Variants in PDE1C observed in about 807,000 individuals in gnomAD.
The protein encoded by PDE1C is phosphodiesterase 1C, also known as dual specificity calcium/calmodulin-dependent 3',5'-cyclic nucleotide phosphodiesterase 1C.
PDE1C carries 62 observed loss-of-function variants against 93.1 expected under a neutral mutation model. The ratio of observed to expected loss-of-function variants is 0.67; its 90% CI spans 0.54 to 0.82. PDE1C has a LOEUF of 0.82. Ranked by LOEUF, PDE1C falls within the 40% of genes least tolerant of loss-of-function variation. PDE1C has a pLI of 0.00. For synonymous variants in PDE1C, 325 were observed against 310.1 expected (o/e 1.05, Z -0.50); for missense variants, 742 against 884.6 (o/e 0.84, Z 2.04).
chr7:32,046,275 T>C (rs1270900795), intron 2 of PDE1C, among the ~76,000 whole-genome samples: 1 of 151,366 alleles, frequency 6.6e-6, no homozygotes, highest in East Asian at 1.9e-4. Flanking sequence ...ACTGAAAACA[T>C]GAAGAAAACA....
At chr7:31,734,076 C>A in the PDE1C span, among the ~76,000 whole-genome samples, 1 of 152,026 alleles carries the variant, frequency 6.6e-6, no homozygotes, top group South Asian at 2.1e-4. Flanking sequence ...ACTACCCCTC[C>A]CCCACCACCA....
At chr7:31,864,511 TC>T (rs1795047631) in intron 7 of PDE1C, among the ~76,000 whole-genome samples, 2 of 152,196 alleles carry the variant, frequency 1.3e-5, no homozygotes, top group African/African-American at 4.8e-5. Flanking sequence ...ATAACTATAG[TC>T]CCTGTGAAAA....
chr7:32,348,844 T>A (rs1783903445), intron 1 of PDE1C, among the ~76,000 whole-genome samples: 1 of 152,178 alleles, frequency 6.6e-6, no homozygotes, highest in Non-Finnish European at 1.5e-5. Flanking sequence ...TGGGCCCTGT[T>A]CTGTACAGGT....
At chr7:32,199,138 A>G (rs1804827748) in intron 2 of PDE1C, among the ~76,000 whole-genome samples, 1 of 152,112 alleles carries the variant, frequency 6.6e-6, no homozygotes, top group Non-Finnish European at 1.5e-5. Context: ...AAATTTAAAA[A>G]AAAAAACAAA....
intron 3 of PDE1C, among the ~76,000 whole-genome samples, chr7:32,076,642 CAAAAAAAA>C (rs869181797): frequency 2.5e-5 from 1 of 40,486 alleles, no homozygotes; most frequent in Non-Finnish European, 5.0e-5. Context: ...GACTCCATCT[CAAAAAAAA>C]AAAAAAAGAA....
chr7:32,289,955 G>A (rs1019074532), intron 1 of PDE1C, among the ~76,000 whole-genome samples: 1 of 152,204 alleles, frequency 6.6e-6, no homozygotes, highest in Non-Finnish European at 1.5e-5. Flanking sequence ...CAGTACCTGT[G>A]ACCTAATACT....
At chr7:32,375,603 G>T (rs959860402) in intron 1 of PDE1C, among the ~76,000 whole-genome samples, 5 of 152,164 alleles carry the variant, frequency 3.3e-5, no homozygotes, top group African/African-American at 9.7e-5. Flanking sequence ...CCACATCAAA[G>T]AATTCTACCC....
intron 1 of PDE1C, among the ~76,000 whole-genome samples, chr7:32,378,183 C>T (rs914305392): frequency 6.6e-6 from 1 of 152,208 alleles, no homozygotes; most frequent in African/African-American, 2.4e-5. Context: ...CCTTCTACCT[C>T]CTCCCTTACT....
the PDE1C span, among the ~76,000 whole-genome samples, chr7:31,624,099 C>T: frequency 7.3e-5 from 11 of 150,782 alleles, no homozygotes; most frequent in African/African-American, 2.7e-4. Context: ...GAACTACAAA[C>T]CACTGCTCAA....
At chr7:32,220,075 C>G (rs1584981443) in intron 1 of PDE1C, among the ~76,000 whole-genome samples, 1 of 152,176 alleles carries the variant, frequency 6.6e-6, no homozygotes, top group East Asian at 1.9e-4. Flanking sequence ...GCCTCCCCAG[C>G]CACATGGAAC....
Position 32,169,894 on chromosome 7 carries a change from C to A in PDE1C, c.199G>T (p.Glu67Ter). 1 of 1,612,642 alleles carries A rather than the reference C, an allele frequency of 6.2e-7. No individual in the cohort carries two copies. The highest frequency in any genetic ancestry group is 8.5e-7 in the Non-Finnish European group (1 of 1,179,806). ...TGGACAATTGTTGGCCTTGGCTTCT[C>A]CTTGACATTCCCTGTGAGCCCATCG... The change falls in exon 3 of 19, where the codon GAG becomes TAG. Residue 67 changes from glutamate to a stop codon, truncating the protein, a stop_gained. Transcript: ENST00000396193. LOFTEE classifies it high-confidence loss of function.
intron 1 of PDE1C, among the ~76,000 whole-genome samples, chr7:32,347,598 C>T (rs934185984): frequency 3.9e-5 from 6 of 152,096 alleles, no homozygotes; most frequent in Non-Finnish European, 5.9e-5. Flanking sequence ...CTTAATAAAG[C>T]GAGGGCCCTC....
chr7:31,953,206 C>G (rs556977499), intron 2 of PDE1C, among the ~76,000 whole-genome samples: 4 of 152,198 alleles, frequency 2.6e-5, no homozygotes, highest in Non-Finnish European at 4.4e-5. Context: ...ACTACTTGAA[C>G]GTGTTTGGGC....
At chr7:32,095,408 C>G (rs974348735) in intron 3 of PDE1C, among the ~76,000 whole-genome samples, 5 of 152,192 alleles carry the variant, frequency 3.3e-5, no homozygotes, top group African/African-American at 4.8e-5. Flanking sequence ...AATCCTCAGT[C>G]CCTTCCTTCC....
intron 1 of PDE1C, among the ~76,000 whole-genome samples, chr7:32,348,896 G>A (rs1041427631): frequency 6.1e-5 from 9 of 148,750 alleles, no homozygotes; most frequent in African/African-American, 1.9e-4. Flanking sequence ...AGATCAATAA[G>A]CAACCAAGAA....
At chr7:32,248,046 G>C (rs547348411) in intron 1 of PDE1C, among the ~76,000 whole-genome samples, 4 of 152,278 alleles carry the variant, frequency 2.6e-5, no homozygotes, top group Admixed American at 2.6e-4. Context: ...ATACTATGTG[G>C]GCAGGAGCAC....
intron 2 of PDE1C, among the ~76,000 whole-genome samples, chr7:31,896,599 C>G (rs1032064949): frequency 2.0e-5 from 3 of 152,176 alleles, no homozygotes; most frequent in Non-Finnish European, 4.4e-5. Flanking sequence ...GACAGAAGAT[C>G]TCTTGAAGAA....
At chr7:32,307,700 G>A (rs1367687873) in intron 1 of PDE1C, among the ~76,000 whole-genome samples, 2 of 152,174 alleles carry the variant, frequency 1.3e-5, no homozygotes, top group Admixed American at 6.5e-5. Flanking sequence ...CACGATCAAA[G>A]CACCTGAGCC....
At chr7:31,642,395 G>T in the PDE1C span, 1 of 687,722 alleles carries the variant, frequency 1.5e-6, no homozygotes, top group Non-Finnish European at 2.4e-6. Context: ...CAATTGGAAA[G>T]GTTGAGAAGG....
Sources: gnomAD v4.1 joint callset for allele counts (sites outside exome capture counted in the v4.1 genomes callset) on GRCh38, gnomAD v4.1.1 for gene constraint, MANE v1.5 for transcripts, NCBI Gene and HGNC (gene_info 2026-07-23, HGNC 2026-07-21) for gene names.